The following CTIF variants were observed in gnomAD, a reference collection of about 807,000 sequenced individuals.
CTIF encodes the protein CBP80/20-dependent translation initiation factor.
CTIF carries 21 observed loss-of-function variants against 66.0 expected under a neutral mutation model. The observed-to-expected ratio is 0.32, with a 90% CI of 0.23 to 0.46. The LOEUF (loss-of-function observed/expected upper bound fraction) is 0.46. Ranked by LOEUF, CTIF falls within the 20% of genes least tolerant of loss-of-function variation. The pLI, the probability that CTIF is intolerant of heterozygous loss-of-function variation, is 1.00. For synonymous variants in CTIF, 345 were observed against 326.4 expected (o/e 1.06, Z -0.62); for missense variants, 739 against 812.7 (o/e 0.91, Z 1.10).
intron 10 of CTIF, among the ~76,000 whole-genome samples, chr18:48,825,849 A>G (rs1488250287): frequency 6.6e-6 from 1 of 152,212 alleles, no homozygotes; most frequent in Non-Finnish European, 1.5e-5. Flanking sequence ...TCTTCAACCA[A>G]TTAAACCAAA....
chr18:48,554,229 G>T (rs925585245), intron 1 of CTIF, among the ~76,000 whole-genome samples: 1 of 152,200 alleles, frequency 6.6e-6, no homozygotes, highest in African/African-American at 2.4e-5. Context: ...TCTTCCAATG[G>T]GAACATTTAA....
intron 7 of CTIF, among the ~76,000 whole-genome samples, chr18:48,742,040 CAGA>C (rs1367385997): frequency 1.3e-5 from 2 of 152,156 alleles, no homozygotes; most frequent in Non-Finnish European, 2.9e-5. Context: ...CAGGCAGGGG[CAGA>C]AGAACAGGAT....
At chr18:48,813,093 G>A (rs1475522828) in intron 9 of CTIF, among the ~76,000 whole-genome samples, 1 of 151,580 alleles carries the variant, frequency 6.6e-6, no homozygotes, top group Non-Finnish European at 1.5e-5. Flanking sequence ...TTTATCTTCT[G>A]CATTACTTTT....
At chr18:48,753,840 G>A (rs542861781) in intron 7 of CTIF, among the ~76,000 whole-genome samples, 4 of 152,184 alleles carry the variant, frequency 2.6e-5, no homozygotes, top group Non-Finnish European at 2.9e-5. Flanking sequence ...CCTCCTTGCC[G>A]GGTTGCTGGG....
chr18:48,720,887 C>T (rs991864317), intron 7 of CTIF, among the ~76,000 whole-genome samples: 1 of 152,210 alleles, frequency 6.6e-6, no homozygotes, highest in Non-Finnish European at 1.5e-5. Flanking sequence ...GAGGGATATA[C>T]CTTCCCCCGA....
intron 1 of CTIF, among the ~76,000 whole-genome samples, chr18:48,603,536 T>TAGATGGA (rs2090143462): frequency 1.4e-5 from 2 of 143,348 alleles, no homozygotes; most frequent in Admixed American, 1.4e-4. Flanking sequence ...GATAGATGGA[T>TAGATGGA]GAATGTGTGG....
intron 3 of CTIF, among the ~76,000 whole-genome samples, chr18:48,661,218 C>T (rs73958905): frequency 6.6e-6 from 1 of 152,172 alleles, no homozygotes; most frequent in Non-Finnish European, 1.5e-5. Context: ...AGGTGATCCA[C>T]TGAAGCTGAA....
chr18:48,679,793 C>G lies in CTIF; in HGVS notation c.507+9049C>G, dbSNP rs565293576. Among the ~76,000 whole-genome samples, 5 of 152,294 alleles carry G rather than the reference C, an allele frequency of 3.3e-5. No homozygotes were observed. In the South Asian group the frequency reaches 1.0e-3, roughly 32 times the overall value. ...TCTAGGCCAATTTTGAGGTTTTCCC[C>G]TTTTTTATGCCCCTCCATGCATTTG... On this transcript the variant is annotated intron_variant, in intron 6 of 11. Transcript: ENST00000256413.
At chr18:48,763,884 A>G (rs1465784061) in intron 9 of CTIF, among the ~76,000 whole-genome samples, 3 of 151,960 alleles carry the variant, frequency 2.0e-5, no homozygotes, top group East Asian at 3.9e-4. Context: ...TCACAAACCC[A>G]CTCACCCCAT....
chr18:48,781,165 C>T (rs1395133064), intron 9 of CTIF, among the ~76,000 whole-genome samples: 2 of 152,238 alleles, frequency 1.3e-5, no homozygotes, highest in Non-Finnish European at 2.9e-5. Flanking sequence ...ATCTGCTCTA[C>T]CCTCCTAGTG....
chr18:48,596,751 C>T (rs897835640), intron 1 of CTIF, among the ~76,000 whole-genome samples: 2 of 152,202 alleles, frequency 1.3e-5, no homozygotes, highest in Admixed American at 6.5e-5. Flanking sequence ...GCTGGGATTA[C>T]AGGCGTGAGC....
intron 3 of CTIF, among the ~76,000 whole-genome samples, chr18:48,650,038 G>T (rs1051027468): frequency 6.6e-6 from 1 of 152,238 alleles, no homozygotes; most frequent in Non-Finnish European, 1.5e-5. Context: ...GAGCAGAAAA[G>T]CTGAAAATTC....
chr18:48,671,339 A>AGTGTGACTGGGCCTGCTGCAGGG lies in CTIF; in HGVS notation c.507+600_507+622dup, dbSNP rs1278944089. Among the ~76,000 whole-genome samples the AGTGTGACTGGGCCTGCTGCAGGG allele has an allele frequency of 3.3e-5, 5 of 151,890 alleles. No individual in the cohort carries two copies. The East Asian group carries it at 7.7e-4, about 23-fold the overall frequency. On this transcript the variant is annotated intron_variant, in intron 6 of 11. Transcript: ENST00000256413. ...CAGCAGGAGTCTAGCTGCTCTCAGG[A>AGTGTGACTGGGCCTGCTGCAGGG]GTGTGACTGGGCCTGCTGCAGGGGT...
At chr18:48,675,619 A>C (rs535587758) in intron 6 of CTIF, among the ~76,000 whole-genome samples, 23 of 152,310 alleles carry the variant, frequency 1.5e-4, no homozygotes, top group African/African-American at 2.4e-5. Flanking sequence ...GGCGAGGTGC[A>C]AGAGGCAGCC....
intron 1 of CTIF, among the ~76,000 whole-genome samples, chr18:48,543,943 A>C (rs1371266088): frequency 3.9e-5 from 6 of 152,064 alleles, no homozygotes; most frequent in Non-Finnish European, 8.8e-5. Flanking sequence ...TTCATGAGCA[A>C]ATGAAGGTCT....
intron 5 of CTIF, among the ~76,000 whole-genome samples, chr18:48,668,181 G>A (rs897809807): frequency 5.6e-4 from 86 of 152,362 alleles, no homozygotes; most frequent in African/African-American, 1.9e-3. Context: ...CCCCAGGGGC[G>A]CTGAGGCGAG....
chr18:48,608,638 C>T (rs1251788864), intron 1 of CTIF, among the ~76,000 whole-genome samples: 2 of 152,182 alleles, frequency 1.3e-5, no homozygotes, highest in African/African-American at 2.4e-5. Flanking sequence ...TTGCTGTTCT[C>T]GAACGTGAGC....
rs545303509 is a variant in CTIF, at chr18:48,719,213, A to G, written c.584+7518A>G. ...TTTGATGGTCATCTGTGACTACAGG[A>G]GGCCCCACATTCCTTTTCACATGTG... On this transcript the variant is annotated intron_variant, in intron 7 of 11. Transcript: ENST00000256413. Among the ~76,000 whole-genome samples, 6 of 152,312 alleles carry G rather than the reference A, an allele frequency of 3.9e-5. No individual in the cohort carries two copies. The East Asian group carries it at 1.2e-3, about 29-fold the overall frequency.
At chr18:48,664,403 T>C in intron 4 of CTIF, 44 bp from the exon 5 acceptor site, 1 of 1,525,678 alleles carries the variant, frequency 6.6e-7, no homozygotes, top group Non-Finnish European at 9.1e-7. Flanking sequence ...GTAACTGGGC[T>C]GTTGCCCTCT....
Sources: allele counts gnomAD v4.1 joint callset (sites outside exome capture counted in the v4.1 genomes callset), GRCh38; gene constraint gnomAD v4.1.1; transcripts MANE v1.5; gene names NCBI Gene and HGNC (gene_info 2026-07-23, HGNC 2026-07-21).